The following POLGARF variants were observed in gnomAD, a reference collection of about 807,000 sequenced individuals.
The protein encoded by POLGARF is POLG alternative reading frame.
the POLGARF span, chr15:89,333,407 T>G: frequency 6.2e-7 from 1 of 1,604,404 alleles, no homozygotes; most frequent in Non-Finnish European, 8.5e-7. Flanking sequence ...AGGGCACGGC[T>G]GGCTGCCCCC....
the POLGARF span, among the ~76,000 whole-genome samples, chr15:89,330,961 G>C: frequency 6.6e-6 from 1 of 152,150 alleles, no homozygotes; most frequent in African/African-American, 2.4e-5. Context: ...CACTGATTCA[G>C]GAAAAGGCTG....
chr15:89,333,408 G>T, the POLGARF span: 8 of 1,604,380 alleles, frequency 5.0e-6, no homozygotes, highest in Non-Finnish European at 8.5e-7. Flanking sequence ...GGGCACGGCT[G>T]GCTGCCCCCA....
the POLGARF span, chr15:89,333,372 G>A: frequency 7.0e-6 from 11 of 1,577,926 alleles, no homozygotes; most frequent in South Asian, 5.7e-5. Context: ...GTAGAGGGGC[G>A]GCAGGCGCAG....
chr15:89,332,964 C>G, the POLGARF span: 3,463 of 1,237,124 alleles, frequency 2.8e-3, 90 homozygotes, highest in African/African-American at 0.047. Flanking sequence ...GGGGTCTAGT[C>G]CTAATTCAAC....
At chr15:89,332,953 A>C in the POLGARF span, 2 of 1,083,208 alleles carry the variant, frequency 1.8e-6, no homozygotes, top group Non-Finnish European at 2.5e-6. Context: ...CCACATAAAC[A>C]GGGGTCTAGT....
chr15:89,332,423 T>C, the POLGARF span: 1 of 152,160 alleles, frequency 6.6e-6, no homozygotes, highest in African/African-American at 2.4e-5. Flanking sequence ...CCATCATTGT[T>C]TGAAAAAGAA....
At chr15:89,332,418 ATT>A in the POLGARF span, 1 of 152,228 alleles carries the variant, frequency 6.6e-6, no homozygotes, top group Non-Finnish European at 1.5e-5. Context: ...TACTGCCATC[ATT>A]GTTTGAAAAA....
At chr15:89,331,304 CCCA>C in the POLGARF span, among the ~76,000 whole-genome samples, 3 of 151,978 alleles carry the variant, frequency 2.0e-5, no homozygotes, top group African/African-American at 4.8e-5. Flanking sequence ...TCCCCACCCC[CCCA>C]CATTTTAATT....
chr15:89,333,099 G>A, the POLGARF span: 1 of 1,515,660 alleles, frequency 6.6e-7, no homozygotes, highest in African/African-American at 1.4e-5. Context: ...TACTTACCAG[G>A]CCGAGGGGGA....
the POLGARF span, chr15:89,333,627 T>TGCCGCC: frequency 6.3e-7 from 1 of 1,581,538 alleles, no homozygotes; most frequent in Non-Finnish European, 8.6e-7. Context: ...CTGCTGCTGC[T>TGCCGCC]GCCGCCGCCG....
the POLGARF span, among the ~76,000 whole-genome samples, chr15:89,331,088 C>G: frequency 5.3e-5 from 8 of 152,272 alleles, no homozygotes; most frequent in South Asian, 8.3e-4. Context: ...AAGTGAGTGA[C>G]GAGGCCACGT....
chr15:89,332,391 A>G, the POLGARF span: 2 of 152,360 alleles, frequency 1.3e-5, no homozygotes, highest in Middle Eastern at 6.8e-3. Flanking sequence ...TGAAGAATAA[A>G]AAAAGGGGAG....
chr15:89,333,723 C>G, the POLGARF span: 1 of 1,536,106 alleles, frequency 6.5e-7, no homozygotes, highest in African/African-American at 1.4e-5. Context: ...GACGGTGGCG[C>G]CGGCCACCTT....
At chr15:89,332,370 T>C in the POLGARF span, 1 of 152,246 alleles carries the variant, frequency 6.6e-6, no homozygotes, top group Non-Finnish European at 1.5e-5. Context: ...AATAGTATTT[T>C]AATCCTGGAA....
the POLGARF span, among the ~76,000 whole-genome samples, chr15:89,331,246 C>T: frequency 1.3e-5 from 2 of 152,222 alleles, no homozygotes; most frequent in Non-Finnish European, 2.9e-5. Context: ...CTGACAAAAT[C>T]GAACTCATAC....
At chr15:89,331,425 G>A in the POLGARF span, among the ~76,000 whole-genome samples, 3 of 152,166 alleles carry the variant, frequency 2.0e-5, no homozygotes, top group African/African-American at 7.2e-5. Flanking sequence ...AAGCCACACT[G>A]GTGTCAAGAT....
chr15:89,333,236 C>T, the POLGARF span: 6 of 1,579,372 alleles, frequency 3.8e-6, no homozygotes, highest in South Asian at 5.7e-5. Flanking sequence ...GGGTCCAGCC[C>T]TCCGCCCAGG....
the POLGARF span, chr15:89,330,384 G>A: frequency 5.7e-5 from 50 of 877,034 alleles, no homozygotes; most frequent in Non-Finnish European, 7.9e-5. Flanking sequence ...ATTGGCAGCT[G>A]GGGACACAAG....
chr15:89,333,006 C>T, the POLGARF span: 3 of 1,478,942 alleles, frequency 2.0e-6, no homozygotes, highest in South Asian at 1.5e-5. Flanking sequence ...GCACCCAGCC[C>T]GTAACAGGAC....
Sources: gnomAD v4.1 joint callset for allele counts (sites outside exome capture counted in the v4.1 genomes callset) on GRCh38, gnomAD v4.1.1 for gene constraint, MANE v1.5 for transcripts, NCBI Gene and HGNC (gene_info 2026-07-23, HGNC 2026-07-21) for gene names.